Variants in SPPL3 observed in about 807,000 individuals in gnomAD.
SPPL3 encodes signal peptide peptidase-like 3.
Under a neutral mutation model 42.4 loss-of-function variants are expected in SPPL3, and 5 were observed. The ratio of observed to expected loss-of-function variants is 0.12; its 90% CI spans 0.06 to 0.25. The LOEUF (loss-of-function observed/expected upper bound fraction) is 0.25, where lower values mean the gene tolerates loss of function less well. Ranked by LOEUF, SPPL3 falls within the 10% of genes least tolerant of loss-of-function variation. The pLI, the probability that SPPL3 is intolerant of heterozygous loss-of-function variation, is 1.00. For missense variants in SPPL3, 235 were observed against 489.0 expected, an observed-to-expected ratio of 0.48 and a Z score of 4.90; for synonymous variants, 195 against 181.8, an observed-to-expected ratio of 1.07 and a Z score of -0.58.
chr12:120,796,423 T>C (rs1330111340), intron 2 of SPPL3, among the ~76,000 whole-genome samples: 2 of 152,172 alleles, frequency 1.3e-5, no homozygotes, highest in African/African-American at 4.8e-5. Flanking sequence ...TTTTTGTATA[T>C]ATGGAATACA....
intron 1 of SPPL3, chr12:120,811,204 C>G (rs1464091696): frequency 1.6e-5 from 3 of 187,378 alleles, no homozygotes; most frequent in Non-Finnish European, 3.2e-5. Context: ...TCTACCAGAT[C>G]TGTGCCAATG....
In SPPL3 at chr12:120,779,992, C is replaced by CATCTCAAAAAAAAAA. The variant is rs556631852; in HGVS notation, c.502+2648_502+2662dup. ...CAGCCTGGGCAACAGAGTGAGACTCCATCTCAAAAAAAAAAAAAGAAGTGG... is the reference window on the plus strand; with the variant it reads ...CAGCCTGGGCAACAGAGTGAGACTCCATCTCAAAAAAAAAAATCTCAAAAAAAAAAAAAGAAGTGG... On this transcript the variant is annotated intron_variant, in intron 6 of 10. Coordinates refer to ENST00000353487, the MANE Select transcript of SPPL3 (RefSeq NM_139015.5). Among the ~76,000 whole-genome samples, 180 of 140,632 alleles carry CATCTCAAAAAAAAAA rather than the reference C, an allele frequency of 1.3e-3. 1 individual carries two copies. The highest frequency in any genetic ancestry group is 4.6e-3 in the African/African-American group (174 of 38,148). The allele number at this position is 140,632 out of a possible 152,430, so 92.3% of individuals were successfully genotyped here.
At chr12:120,880,860 G>A (rs1162212572) in intron 1 of SPPL3, among the ~76,000 whole-genome samples, 1 of 150,992 alleles carries the variant, frequency 6.6e-6, no homozygotes, top group Non-Finnish European at 1.5e-5. Flanking sequence ...AATAACTACA[G>A]CTCAACAACA....
intron 6 of SPPL3, among the ~76,000 whole-genome samples, chr12:120,771,920 G>T (rs537818506): frequency 6.6e-6 from 1 of 152,296 alleles, no homozygotes; most frequent in South Asian, 2.1e-4. Context: ...AGAAGGTCCT[G>T]CCCCCGGCTC....
chr12:120,792,867 A>G (rs1178541656), intron 2 of SPPL3, among the ~76,000 whole-genome samples: 1 of 152,136 alleles, frequency 6.6e-6, no homozygotes, highest in Admixed American at 6.6e-5. Flanking sequence ...TTTTAGATAA[A>G]AACACATGGT....
intron 1 of SPPL3, among the ~76,000 whole-genome samples, chr12:120,819,122 T>A (rs938827877): frequency 6.6e-6 from 1 of 150,862 alleles, no homozygotes; most frequent in African/African-American, 2.4e-5. Context: ...CCTTTTCAGA[T>A]AACTATCAAT....
intron 1 of SPPL3, among the ~76,000 whole-genome samples, chr12:120,871,296 GA>G (rs201749010): frequency 0.01 from 1,590 of 151,940 alleles, 33 homozygotes; most frequent in African/African-American, 0.036. Flanking sequence ...AAAGTAAAAA[GA>G]AAAAAAGCTG....
intron 6 of SPPL3, among the ~76,000 whole-genome samples, chr12:120,771,544 T>C (rs1041339282): frequency 1.5e-5 from 1 of 66,192 alleles, no homozygotes; most frequent in African/African-American, 7.3e-5. Flanking sequence ...ACTTCTGATA[T>C]ACATAATTTC....
At chr12:120,812,779 C>T (rs1462069158) in intron 1 of SPPL3, among the ~76,000 whole-genome samples, 1 of 152,208 alleles carries the variant, frequency 6.6e-6, no homozygotes, top group African/African-American at 2.4e-5. Context: ...AGTAGCTAAG[C>T]CAGTTACTTA....
chr12:120,852,702 A>ATAT (rs1872275231), intron 1 of SPPL3, among the ~76,000 whole-genome samples: 1 of 40,024 alleles, frequency 2.5e-5, no homozygotes, highest in African/African-American at 9.2e-5. Context: ...TACATATTTT[A>ATAT]CATATATGAA....
At chr12:120,864,560 G>A (rs1872706387) in intron 1 of SPPL3, among the ~76,000 whole-genome samples, 1 of 151,908 alleles carries the variant, frequency 6.6e-6, no homozygotes, top group Non-Finnish European at 1.5e-5. Flanking sequence ...ACAAAACCTG[G>A]GAAGTCATCA....
intron 1 of SPPL3, among the ~76,000 whole-genome samples, chr12:120,873,883 T>G (rs946010706): frequency 6.6e-6 from 1 of 151,324 alleles, no homozygotes; most frequent in African/African-American, 2.4e-5. Context: ...AAAAAATTAA[T>G]TAATTAATTA....
At chr12:120,900,430 G>A (rs780967947) in intron 1 of SPPL3, among the ~76,000 whole-genome samples, 7 of 151,052 alleles carry the variant, frequency 4.6e-5, no homozygotes, top group African/African-American at 1.2e-4. Flanking sequence ...GCAACATGGC[G>A]AAACACAATA....
chr12:120,783,849 C>T (rs1289979539), intron 4 of SPPL3, 97 bp from the exon 5 acceptor site: 13 of 985,528 alleles, frequency 1.3e-5, no homozygotes, highest in East Asian at 2.6e-5. Flanking sequence ...CAAGTGGATA[C>T]GGTTAATTGA....
chr12:120,802,411 GTGTGTA>G (rs1319205630), intron 2 of SPPL3, among the ~76,000 whole-genome samples: 1 of 101,306 alleles, frequency 9.9e-6, no homozygotes, highest in Non-Finnish European at 1.8e-5. Flanking sequence ...GTGTGTGTGT[GTGTGTA>G]TATATATATA....
intron 2 of SPPL3, among the ~76,000 whole-genome samples, chr12:120,800,230 C>T (rs941443600): frequency 4.6e-5 from 7 of 152,086 alleles, no homozygotes; most frequent in Non-Finnish European, 7.4e-5. Context: ...AGGTCAGGTG[C>T]GGTGGTTCAT....
At chr12:120,839,600 T>C (rs1332637219) in intron 1 of SPPL3, among the ~76,000 whole-genome samples, 3 of 152,096 alleles carry the variant, frequency 2.0e-5, no homozygotes, top group East Asian at 1.9e-4. Flanking sequence ...AGGTAGGAAA[T>C]AGCATACTAA....
At chr12:120,849,269 T>C (rs991545729) in intron 1 of SPPL3, among the ~76,000 whole-genome samples, 2 of 152,204 alleles carry the variant, frequency 1.3e-5, no homozygotes, top group African/African-American at 2.4e-5. Flanking sequence ...ACAAAGTTAT[T>C]AGAGATGGGC....
At chr12:120,808,774 T>G (rs1050187130) in intron 2 of SPPL3, among the ~76,000 whole-genome samples, 1 of 152,180 alleles carries the variant, frequency 6.6e-6, no homozygotes, top group Non-Finnish European at 1.5e-5. Context: ...ACTATGAAAA[T>G]GTATACAGTA....
Sources: allele counts gnomAD v4.1 joint callset (sites outside exome capture counted in the v4.1 genomes callset), GRCh38; gene constraint gnomAD v4.1.1; transcripts MANE v1.5; gene names NCBI Gene and HGNC (gene_info 2026-07-23, HGNC 2026-07-21).